The following OPCML variants were observed in gnomAD, a reference collection of about 807,000 sequenced individuals.
The protein encoded by OPCML is opioid-binding protein/cell adhesion molecule.
In OPCML, 13 loss-of-function variants were observed where a neutral mutation model predicts 37.8. The ratio of observed to expected loss-of-function variants is 0.34; its 90% CI spans 0.22 to 0.55. The LOEUF (loss-of-function observed/expected upper bound fraction) is 0.55. Ranked by LOEUF, OPCML falls within the 20% of genes least tolerant of loss-of-function variation. The probability of loss-of-function intolerance (pLI) is 0.91; values close to 1 mark genes in which losing one functional copy is unlikely to be tolerated. For synonymous variants in OPCML, 176 were observed against 168.8 expected (o/e 1.04, Z -0.33); for missense variants, 341 against 435.6 (o/e 0.78, Z 1.93).
intron 1 of OPCML, among the ~76,000 whole-genome samples, chr11:133,107,917 C>T (rs1310854296): frequency 1.3e-5 from 2 of 152,158 alleles, no homozygotes; most frequent in African/African-American, 4.8e-5. Context: ...GGGAGCCATG[C>T]CACACATCTA....
At chr11:132,638,977 T>G (rs931203592) in intron 3 of OPCML, among the ~76,000 whole-genome samples, 3 of 152,116 alleles carry the variant, frequency 2.0e-5, no homozygotes, top group African/African-American at 7.2e-5. Flanking sequence ...TAGGAAGAAT[T>G]TGTTGGGTGA....
rs75498091 is a variant in OPCML, at chr11:133,414,415, T to C, written c.61+117849A>G. ...GTGTTAGGGGATTCCTAGGGGAAAA[T>C]AACCCACGCCACAGCCTCGCCTTGC... On this transcript the variant is annotated intron_variant, in intron 1 of 7. Coordinates refer to ENST00000524381, the MANE Select transcript of OPCML (RefSeq NM_001012393.5). Among the ~76,000 whole-genome samples, 687 of 152,182 alleles carry C rather than the reference T, an allele frequency of 4.5e-3. 3 individuals carry two copies. Among genetic ancestry groups the C allele is most frequent in the South Asian group, 0.017 (80 of 4,822 alleles).
chr11:132,873,199 G>A (rs1415366623), intron 2 of OPCML, among the ~76,000 whole-genome samples: 1 of 152,028 alleles, frequency 6.6e-6, no homozygotes, highest in East Asian at 1.9e-4. Context: ...TTCCAAGCTG[G>A]GCTGAACTTA....
At chr11:132,487,670 A>G (rs901038394) in intron 4 of OPCML, among the ~76,000 whole-genome samples, 1 of 152,128 alleles carries the variant, frequency 6.6e-6, no homozygotes, top group Admixed American at 6.5e-5. Context: ...TCCTCCAGGA[A>G]ATATTCCCTG....
At chr11:132,901,682 C>A (rs1305207987) in intron 2 of OPCML, among the ~76,000 whole-genome samples, 2 of 152,178 alleles carry the variant, frequency 1.3e-5, no homozygotes, top group Non-Finnish European at 2.9e-5. Flanking sequence ...GGGCACGGTG[C>A]GTCCTCAGCT....
At chr11:133,210,761 A>C (rs540668096) in intron 1 of OPCML, among the ~76,000 whole-genome samples, 3 of 152,142 alleles carry the variant, frequency 2.0e-5, no homozygotes, top group Non-Finnish European at 4.4e-5. Context: ...CCTAACTCAG[A>C]AAGACCAGGT....
At chr11:133,341,538 T>C (rs1943870241) in intron 1 of OPCML, among the ~76,000 whole-genome samples, 1 of 152,168 alleles carries the variant, frequency 6.6e-6, no homozygotes, top group Non-Finnish European at 1.5e-5. Context: ...TACAGGAAGA[T>C]TTGCCTGGGT....
intron 1 of OPCML, among the ~76,000 whole-genome samples, chr11:133,329,042 GACAA>G (rs1198032679): frequency 2.2e-4 from 34 of 152,186 alleles, no homozygotes; most frequent in South Asian, 8.3e-4. Flanking sequence ...ACCAATAACA[GACAA>G]ACAGAGAGCC....
chr11:132,727,747 G>A (rs1284196212), intron 2 of OPCML, among the ~76,000 whole-genome samples: 1 of 152,194 alleles, frequency 6.6e-6, no homozygotes, highest in Non-Finnish European at 1.5e-5. Flanking sequence ...AAATACTCAT[G>A]GAATAAAATA....
At chr11:132,720,258 T>C (rs1944631353) in intron 2 of OPCML, among the ~76,000 whole-genome samples, 3 of 152,188 alleles carry the variant, frequency 2.0e-5, no homozygotes, top group South Asian at 2.1e-4. Flanking sequence ...AAACATCTGA[T>C]GGCATCTGTA....
intron 2 of OPCML, among the ~76,000 whole-genome samples, chr11:132,886,063 T>C (rs1286329443): frequency 6.6e-6 from 1 of 152,234 alleles, no homozygotes; most frequent in Non-Finnish European, 1.5e-5. Flanking sequence ...CCATAATAAG[T>C]ATAGGGCTAT....
intron 3 of OPCML, among the ~76,000 whole-genome samples, chr11:132,608,230 A>G (rs1938428000): frequency 6.6e-6 from 1 of 152,212 alleles, no homozygotes; most frequent in South Asian, 2.1e-4. Context: ...ACATGCTCAA[A>G]TGAATTCTAT....
At chr11:132,424,594 C>T (rs960851327) in intron 7 of OPCML, among the ~76,000 whole-genome samples, 4 of 152,154 alleles carry the variant, frequency 2.6e-5, no homozygotes, top group Admixed American at 2.0e-4. Context: ...GGGGTAAGGT[C>T]GCTGACCGCA....
intron 3 of OPCML, among the ~76,000 whole-genome samples, chr11:132,566,680 C>T (rs1363066667): frequency 6.6e-6 from 1 of 152,180 alleles, no homozygotes; most frequent in African/African-American, 2.4e-5. Flanking sequence ...CTGGGCAGAA[C>T]ATCATGCTGC....
chr11:133,426,688 G>C (rs1291280623), intron 1 of OPCML, among the ~76,000 whole-genome samples: 1 of 152,178 alleles, frequency 6.6e-6, no homozygotes, highest in Non-Finnish European at 1.5e-5. Flanking sequence ...AAGAAACACA[G>C]CGAGAGAGCA....
At chr11:133,221,349 G>T (rs1939818855) in intron 1 of OPCML, among the ~76,000 whole-genome samples, 1 of 152,194 alleles carries the variant, frequency 6.6e-6, no homozygotes, top group African/African-American at 2.4e-5. Context: ...CAACATCCTA[G>T]GCCCCTTTCT....
chr11:133,423,429 C>A lies in OPCML; in HGVS notation c.61+108835G>T, dbSNP rs185684082. 7.1e-6 allele frequency: 7 copies of A among 985,378 alleles called. No homozygotes were observed. The East Asian group carries it at 6.8e-4, about 96-fold the overall frequency. The allele number at this position is 985,378 out of a possible 1,614,324, so 61.0% of individuals were successfully genotyped here. A position where few individuals can be genotyped will look rare whatever the true frequency, so the allele number is the denominator to read the frequency against. On this transcript the variant is annotated intron_variant, in intron 1 of 7. Coordinates refer to ENST00000524381, the MANE Select transcript of OPCML (RefSeq NM_001012393.5). ...GAGATAACTCAGAGAGTTCCGCCTG[C>A]AATGCATCTGCAGGCAAATCACTGA... is the stretch of plus-strand genomic sequence containing the variant.
chr11:132,617,125 T>C (rs1261702692), intron 3 of OPCML, among the ~76,000 whole-genome samples: 1 of 152,234 alleles, frequency 6.6e-6, no homozygotes, highest in Non-Finnish European at 1.5e-5. Flanking sequence ...ACTCTGAATC[T>C]TTCTATATCT....
At chr11:133,171,366 G>C (rs557982448) in intron 1 of OPCML, among the ~76,000 whole-genome samples, 1 of 151,924 alleles carries the variant, frequency 6.6e-6, no homozygotes, top group Non-Finnish European at 1.5e-5. Flanking sequence ...GCCTCAATCC[G>C]CTCCACAGTC....
Sources: gnomAD v4.1 joint callset for allele counts (sites outside exome capture counted in the v4.1 genomes callset) on GRCh38, gnomAD v4.1.1 for gene constraint, MANE v1.5 for transcripts, NCBI Gene and HGNC (gene_info 2026-07-23, HGNC 2026-07-21) for gene names.